The following TENM2 variants were observed in gnomAD, a reference collection of about 807,000 sequenced individuals.
TENM2 encodes the protein teneurin transmembrane protein 2.
Under a neutral mutation model 245.2 loss-of-function variants are expected in TENM2, and 52 were observed. The ratio of observed to expected loss-of-function variants is 0.21; its 90% CI spans 0.17 to 0.27. The LOEUF is 0.27. Among genes scored for constraint, TENM2 ranks in the 10% least tolerant of loss-of-function variants. TENM2 has a pLI of 1.00. For synonymous variants in TENM2, 1,363 were observed against 1,438.9 expected, an observed-to-expected ratio of 0.95 and a Z score of 1.19; for missense variants, 3,046 against 3,666.8, an observed-to-expected ratio of 0.83 and a Z score of 4.37.
chr5:167,053,344 A>G, the TENM2 span, among the ~76,000 whole-genome samples: 2 of 152,178 alleles, frequency 1.3e-5, no homozygotes, highest in Non-Finnish European at 2.9e-5. Context: ...AAGCACCTAT[A>G]TCTCAGACTC....
intron 2 of TENM2, among the ~76,000 whole-genome samples, chr5:167,545,075 G>A (rs1261900225): frequency 1.3e-5 from 2 of 152,088 alleles, no homozygotes; most frequent in Non-Finnish European, 2.9e-5. Context: ...TGAGCTTGTT[G>A]GGACAGCTGT....
chr5:168,006,874 C>T (rs564161209), intron 5 of TENM2, among the ~76,000 whole-genome samples: 1 of 152,290 alleles, frequency 6.6e-6, no homozygotes, highest in South Asian at 2.1e-4. Flanking sequence ...TTCTATCTGT[C>T]CGTGCTAATG....
chr5:168,017,170 T>C (rs1369378201), intron 5 of TENM2, among the ~76,000 whole-genome samples: 1 of 152,138 alleles, frequency 6.6e-6, no homozygotes, highest in Non-Finnish European at 1.5e-5. Flanking sequence ...TAGAGACAAT[T>C]GATGATTGAT....
intron 2 of TENM2, among the ~76,000 whole-genome samples, chr5:167,756,981 T>C (rs1261940553): frequency 6.6e-6 from 1 of 152,132 alleles, no homozygotes. Flanking sequence ...ACATCTCTTT[T>C]TGGGTTTTCC....
chr5:167,371,334 G>GTTTTTTTTTTTTTTT (rs768614312), intron 1 of TENM2, among the ~76,000 whole-genome samples: 1 of 128,970 alleles, frequency 7.8e-6, no homozygotes, highest in African/African-American at 2.9e-5. Context: ...ATGGCTCCCT[G>GTTTTTTTTTTTTTTT]TTTTTTTTTT....
rs1186714657 is a variant in TENM2, at chr5:168,094,029, GCA to G, written c.1711+3271_1711+3272del. ...CACATAGACATACACATACACACAG[GCA>G]CACACACACATAAGCACACTTCAGC... On this transcript the variant is annotated intron_variant, in intron 8 of 28. Coordinates refer to ENST00000518659, the Ensembl canonical transcript of TENM2. Among the ~76,000 whole-genome samples, 4 of 137,062 alleles carry G rather than the reference GCA, an allele frequency of 2.9e-5. No individual in the cohort carries two copies. In the Middle Eastern group the frequency reaches 0.011, roughly 370 times the overall value. 89.9% of individuals were successfully genotyped at this position (137,062 alleles called of 152,430 possible).
At chr5:168,089,153 C>T (rs2092613892) in intron 7 of TENM2, among the ~76,000 whole-genome samples, 1 of 151,888 alleles carries the variant, frequency 6.6e-6, no homozygotes, top group Admixed American at 6.6e-5. Flanking sequence ...TCCTCTTTGC[C>T]TTCTCCTTCA....
intron 1 of TENM2, chr5:167,287,585 T>G (rs1300006414): frequency 6.6e-6 from 1 of 152,048 alleles, no homozygotes; most frequent in Non-Finnish European, 1.5e-5. Context: ...GGGCCCAGAG[T>G]CAGACCTTGT....
intron 2 of TENM2, among the ~76,000 whole-genome samples, chr5:167,519,903 C>G (rs1185943298): frequency 2.6e-5 from 4 of 152,130 alleles, no homozygotes; most frequent in Admixed American, 6.5e-5. Context: ...AGTTGTAACT[C>G]TGATACATGT....
At chr5:167,207,039 A>T in the TENM2 span, among the ~76,000 whole-genome samples, 4 of 147,636 alleles carry the variant, frequency 2.7e-5, no homozygotes, top group Middle Eastern at 3.5e-3. Context: ...TTTTAATATT[A>T]AAAAAAAAAC....
At position 168,259,932 on chromosome 5, in the gene TENM2, G is replaced by A. The variant is rs1017217266; in HGVS notation, c.7433-351G>A. Among the ~76,000 whole-genome samples, 7 of 152,294 alleles carry A rather than the reference G, an allele frequency of 4.6e-5. No individual in the cohort carries two copies. In the East Asian group the frequency reaches 7.7e-4, roughly 17 times the overall value. On this transcript the variant is annotated intron_variant, in intron 27 of 28. Coordinates refer to ENST00000518659, the Ensembl canonical transcript of TENM2. ...ATCCTCATAACAACCCAATGAGACC[G>A]ACACAATTATTATCCCAATTCATAT... is the stretch of plus-strand genomic sequence containing the variant.
intron 2 of TENM2, among the ~76,000 whole-genome samples, chr5:167,803,759 T>C (rs773636055): frequency 1.2e-4 from 18 of 152,212 alleles, no homozygotes; most frequent in Non-Finnish European, 2.4e-4. Flanking sequence ...CTCTTTATGG[T>C]GGTCTATTTG....
intron 2 of TENM2, among the ~76,000 whole-genome samples, chr5:167,791,687 C>T (rs1437923381): frequency 1.3e-5 from 2 of 151,556 alleles, no homozygotes; most frequent in African/African-American, 4.9e-5. Flanking sequence ...TGATTTCAGC[C>T]CTCTCTGATC....
At chr5:167,568,753 A>T (rs1774077715) in intron 2 of TENM2, among the ~76,000 whole-genome samples, 1 of 152,024 alleles carries the variant, frequency 6.6e-6, no homozygotes. Context: ...GTTCATCACC[A>T]TGTACACAGA....
intron 23 of TENM2, among the ~76,000 whole-genome samples, chr5:168,222,741 C>T (rs1177856075): frequency 6.6e-6 from 1 of 152,150 alleles, no homozygotes; most frequent in African/African-American, 2.4e-5. Flanking sequence ...TTCTCCACTC[C>T]CTCCCTTCTT....
At chr5:167,327,147 A>G (rs1020029396) in intron 1 of TENM2, among the ~76,000 whole-genome samples, 1 of 152,046 alleles carries the variant, frequency 6.6e-6, no homozygotes, top group African/African-American at 2.4e-5. Flanking sequence ...TTAGCATTAG[A>G]TATATCTCCT....
intron 2 of TENM2, among the ~76,000 whole-genome samples, chr5:167,729,338 C>T (rs1213533691): frequency 6.6e-6 from 1 of 152,182 alleles, no homozygotes; most frequent in East Asian, 1.9e-4. Context: ...TTAGTTTTTG[C>T]AAGTGAATAG....
At position 167,692,963 on chromosome 5, in the gene TENM2, G is replaced by A. The variant is rs1012399257; in HGVS notation, c.503-183023G>A. ...TGATGGCTTGAGTTGGCAGTAGGGA[G>A]TAACAACTGAGAGCCCGAGCTTTAG... On this transcript the variant is annotated intron_variant, in intron 2 of 28. Transcript: ENST00000518659. Among the ~76,000 whole-genome samples the A allele has an allele frequency of 3.2e-4, 49 of 152,310 alleles. 1 individual carries two copies. Among genetic ancestry groups the A allele is most frequent in the African/African-American group, 1.2e-3 (48 of 41,576 alleles).
At chr5:167,033,745 T>C in the TENM2 span, among the ~76,000 whole-genome samples, 1 of 152,194 alleles carries the variant, frequency 6.6e-6, no homozygotes, top group African/African-American at 2.4e-5. Flanking sequence ...TAGGTAAGCA[T>C]ATCAACATAA....
Sources: allele counts gnomAD v4.1 joint callset (sites outside exome capture counted in the v4.1 genomes callset), GRCh38; gene constraint gnomAD v4.1.1; transcripts MANE v1.5; gene names NCBI Gene and HGNC (gene_info 2026-07-23, HGNC 2026-07-21).